Variants in CTTNBP2 observed in about 807,000 individuals in gnomAD.
The protein encoded by CTTNBP2 is cortactin binding protein 2, also known as cortactin-binding protein 2.
CTTNBP2 carries 108 observed loss-of-function variants against 156.9 expected under a neutral mutation model. That is an observed-to-expected ratio of 0.69 (90% CI 0.59 to 0.81). The LOEUF is 0.81. Ranked by LOEUF, CTTNBP2 falls within the 30% of genes least tolerant of loss-of-function variation. The pLI, the probability that CTTNBP2 is intolerant of heterozygous loss-of-function variation, is 0.00. For missense variants in CTTNBP2, 1,924 were observed against 2,035.4 expected (o/e 0.95, Z 1.05); for synonymous variants, 767 against 751.8 (o/e 1.02, Z -0.33).
chr7:117,767,827 C>G (rs184045496), intron 8 of CTTNBP2, among the ~76,000 whole-genome samples: 2 of 152,040 alleles, frequency 1.3e-5, no homozygotes, highest in African/African-American at 2.4e-5. Flanking sequence ...AGTAGAACTA[C>G]GAACTGAAAA....
chr7:117,791,059 A>G (rs35894760), intron 4 of CTTNBP2, 69 bp downstream of exon 4: 32,928 of 1,327,406 alleles, frequency 0.025, 794 homozygotes, highest in African/African-American at 0.11. Context: ...GGCAATGTGA[A>G]GAAAATCAAG....
At chr7:117,755,492 CA>C (rs1472019214) in intron 12 of CTTNBP2, 4 of 462,882 alleles carry the variant, frequency 8.6e-6, no homozygotes, top group Admixed American at 4.9e-5. Flanking sequence ...TCATACACAT[CA>C]GAGACTTGCA....
At chr7:117,845,250 G>C (rs551357111) in intron 2 of CTTNBP2, among the ~76,000 whole-genome samples, 9 of 152,186 alleles carry the variant, frequency 5.9e-5, no homozygotes, top group Non-Finnish European at 1.0e-4. Context: ...TCCAAGAACT[G>C]AGGTTTCAGT....
intron 2 of CTTNBP2, among the ~76,000 whole-genome samples, chr7:117,849,252 T>C (rs1802784925): frequency 6.6e-6 from 1 of 152,198 alleles, no homozygotes; most frequent in Non-Finnish European, 1.5e-5. Context: ...GCTTTATGAG[T>C]GACCGTCCTT....
intron 2 of CTTNBP2, among the ~76,000 whole-genome samples, chr7:117,851,091 T>C (rs1362138563): frequency 6.6e-6 from 1 of 152,136 alleles, no homozygotes; most frequent in Admixed American, 6.6e-5. Flanking sequence ...AACTATTTGC[T>C]GTCACCAGTT....
intron 2 of CTTNBP2, among the ~76,000 whole-genome samples, chr7:117,828,890 T>C (rs1014378146): frequency 6.6e-6 from 1 of 152,212 alleles, no homozygotes; most frequent in East Asian, 1.9e-4. Flanking sequence ...AATGTAAACA[T>C]GTGTTACACA....
chr7:117,819,367 T>TCTCA (rs1236694379), intron 2 of CTTNBP2, among the ~76,000 whole-genome samples: 46 of 130,704 alleles, frequency 3.5e-4, no homozygotes, highest in South Asian at 2.2e-3. Context: ...TCTCTCTCTC[T>TCTCA]CACACACACA....
At chr7:117,772,536 A>G (rs1797851701) in intron 8 of CTTNBP2, among the ~76,000 whole-genome samples, 3 of 152,188 alleles carry the variant, frequency 2.0e-5, no homozygotes, top group Non-Finnish European at 2.9e-5. Flanking sequence ...CAACAGGATT[A>G]CCCTATAACT....
At chr7:117,805,321 T>C (rs1180381332) in intron 3 of CTTNBP2, among the ~76,000 whole-genome samples, 1 of 152,034 alleles carries the variant, frequency 6.6e-6, no homozygotes, top group African/African-American at 2.4e-5. Context: ...AAGGAAGAAA[T>C]ACAGTACATA....
intron 12 of CTTNBP2, chr7:117,755,559 T>C (rs760011075): frequency 2.1e-6 from 1 of 470,190 alleles, no homozygotes; most frequent in Non-Finnish European, 4.4e-6. Context: ...TACCTCTCTC[T>C]GTTCAGTTTC....
intron 2 of CTTNBP2, among the ~76,000 whole-genome samples, chr7:117,821,773 G>C (rs1800983930): frequency 6.6e-6 from 1 of 151,908 alleles, no homozygotes; most frequent in South Asian, 2.1e-4. Flanking sequence ...TGTGTTTTTA[G>C]TAGAGATGGG....
chr7:117,871,446 A>T (rs1804590166), intron 1 of CTTNBP2: 1 of 156,578 alleles, frequency 6.4e-6, no homozygotes, highest in Admixed American at 6.5e-5. Flanking sequence ...ACCCTAAAGG[A>T]TTCTATGGAA....
chr7:117,867,628 C>A (rs1020904707), intron 1 of CTTNBP2, among the ~76,000 whole-genome samples: 3 of 152,046 alleles, frequency 2.0e-5, no homozygotes, highest in African/African-American at 7.3e-5. Flanking sequence ...GTCTCAGGTA[C>A]ATCCATCTTA....
rs554853456 is a variant in CTTNBP2 at position 117,721,426 on chromosome 7, C to T, written c.4448-296G>A. Among the ~76,000 whole-genome samples the T allele has an allele frequency of 9.2e-5, 14 of 152,290 alleles. No homozygotes were observed. In the East Asian group the frequency reaches 2.1e-3, roughly 23 times the overall value. ...CCTGAATTTCACTTTTATGGATGGC[C>T]GTTCTTCTCTTTAGTCAAGTCCCTA... is the stretch of plus-strand genomic sequence containing the variant. On this transcript the variant is annotated intron_variant, in intron 19 of 22. Coordinates refer to ENST00000160373, the MANE Select transcript of CTTNBP2 (RefSeq NM_033427.3).
At chr7:117,757,244 T>A (rs1211149987) in intron 11 of CTTNBP2, among the ~76,000 whole-genome samples, 1 of 152,166 alleles carries the variant, frequency 6.6e-6, no homozygotes, top group Non-Finnish European at 1.5e-5. Context: ...GGGAAATACA[T>A]GATGAAATCC....
chr7:117,811,858 GTAAAAATTTTAATTAAATTAAA>G (rs2116974052), intron 2 of CTTNBP2, among the ~76,000 whole-genome samples: 1 of 39,000 alleles, frequency 2.6e-5, no homozygotes, highest in East Asian at 8.7e-4. Flanking sequence ...AAATTTTAAT[GTAAAAATTTTAATTAAATTAAA>G]ATTTTAATGT....
At chr7:117,824,313 G>T (rs991834497) in intron 2 of CTTNBP2, among the ~76,000 whole-genome samples, 27 of 151,728 alleles carry the variant, frequency 1.8e-4, no homozygotes, top group African/African-American at 5.8e-4. Context: ...GTGAAATCTT[G>T]GTGGTAGAAT....
At chr7:117,738,952 A>G (rs1795850089) in intron 14 of CTTNBP2, among the ~76,000 whole-genome samples, 1 of 152,120 alleles carries the variant, frequency 6.6e-6, no homozygotes, top group Non-Finnish European at 1.5e-5. Flanking sequence ...AAAAAGGGGG[A>G]AGGGCTGCTA....
chr7:117,864,660 GAATA>G (rs1803994193), intron 1 of CTTNBP2, among the ~76,000 whole-genome samples: 1 of 143,970 alleles, frequency 6.9e-6, no homozygotes, highest in African/African-American at 2.5e-5. Flanking sequence ...CTAGATGTAT[GAATA>G]TATATTCATA....
Sources: allele counts gnomAD v4.1 joint callset (sites outside exome capture counted in the v4.1 genomes callset), GRCh38; gene constraint gnomAD v4.1.1; transcripts MANE v1.5; gene names NCBI Gene and HGNC (gene_info 2026-07-23, HGNC 2026-07-21).